The following OLFM2 variants were observed in gnomAD, a reference collection of about 807,000 sequenced individuals.
OLFM2 encodes the protein noelin-2.
OLFM2 carries 20 observed loss-of-function variants against 43.9 expected under a neutral mutation model. That is an observed-to-expected ratio of 0.46 (90% CI 0.32 to 0.66). OLFM2 has a LOEUF of 0.66. Ranked by LOEUF, OLFM2 falls within the 30% of genes least tolerant of loss-of-function variation. The pLI is 0.04. For synonymous variants in OLFM2, 268 were observed against 278.6 expected (o/e 0.96, Z 0.38); for missense variants, 416 against 643.6 (o/e 0.65, Z 3.83).
chr19:9,854,170 G>T lies in OLFM2; in HGVS notation c.*16C>A. 6.2e-7 allele frequency: 1 copy of T among 1,613,622 alleles called. No homozygotes were observed. The highest frequency in any genetic ancestry group is 8.5e-7 in the Non-Finnish European group (1 of 1,179,668). On this transcript the variant is annotated 3_prime_UTR_variant, in exon 6 of 6. Coordinates refer to ENST00000264833, the MANE Select transcript of OLFM2 (RefSeq NM_058164.4). The surrounding 1 kb of genome is among the most constrained non-coding windows in gnomAD (Gnocchi z 9.5). ...CCAGAGGCCCCCCAGGCAGCAGCCC[G>T]AGCCACAGCATTGGCTCAGGGGTCC...
chr19:9,890,476 C>G (rs2046629248), intron 1 of OLFM2, among the ~76,000 whole-genome samples: 1 of 152,202 alleles, frequency 6.6e-6, no homozygotes. Context: ...GTGGACGTGT[C>G]TACAGGAGTG....
At chr19:9,875,657 T>TTTGTTGTTG (rs34652517) in intron 1 of OLFM2, among the ~76,000 whole-genome samples, 3 of 150,490 alleles carry the variant, frequency 2.0e-5, no homozygotes, top group Admixed American at 6.6e-5. Flanking sequence ...CATCTGGTTG[T>TTTGTTGTTG]TTGTTGTTGT....
chr19:9,931,496 T>C (rs1277462404), intron 1 of OLFM2, among the ~76,000 whole-genome samples: 3 of 151,410 alleles, frequency 2.0e-5, no homozygotes, highest in Non-Finnish European at 2.9e-5. Context: ...ATGTCAGGAG[T>C]TCGAGACCAG....
chr19:9,878,276 G>A (rs4804469), intron 1 of OLFM2, among the ~76,000 whole-genome samples: 17,744 of 151,956 alleles, frequency 0.12, 1,099 homozygotes, highest in Middle Eastern at 0.17. Context: ...GCAAATCGGT[G>A]CTGACTGGGA....
At chr19:9,871,854 G>T (rs1282378351) in intron 1 of OLFM2, among the ~76,000 whole-genome samples, 3 of 152,184 alleles carry the variant, frequency 2.0e-5, no homozygotes, top group Admixed American at 2.0e-4. Flanking sequence ...CTGGCACAAG[G>T]TATGTTTGTT....
intron 1 of OLFM2, among the ~76,000 whole-genome samples, chr19:9,924,940 T>G (rs1483220617): frequency 6.6e-6 from 1 of 151,912 alleles, no homozygotes; most frequent in Non-Finnish European, 1.5e-5. Context: ...GATATATATA[T>G]ATGATATTCT....
chr19:9,857,791 C>T lies in OLFM2; in HGVS notation c.284G>A (p.Gly95Asp), dbSNP rs747490195. ...CAGGCTCCGCATGAGGGTCTCCATG[C>T]CGCGTACATACTGGAGGTCGCGATA... ...RTYRDLQYVR[G>D]METLMRSLDA... Residue 95 changes from glycine (G) to aspartate (D), a missense_variant, in exon 3 of 6, where the codon GGC becomes GAC. Transcript: ENST00000264833. The surrounding 1 kb of genome is among the most constrained non-coding windows in gnomAD (Gnocchi z 5.7). 6.2e-7 allele frequency: 1 copy of T among 1,614,140 alleles called. No individual in the cohort carries two copies. Among genetic ancestry groups the T allele is most frequent in the East Asian group, 2.2e-5 (1 of 44,878 alleles).
intron 1 of OLFM2, among the ~76,000 whole-genome samples, chr19:9,884,560 T>C (rs1022067548): frequency 6.6e-6 from 1 of 152,132 alleles, no homozygotes; most frequent in South Asian, 2.1e-4. Flanking sequence ...CCCAGGTCTA[T>C]GGGACTGTAG....
At chr19:9,929,404 A>G (rs976246727) in intron 1 of OLFM2, among the ~76,000 whole-genome samples, 30 of 149,658 alleles carry the variant, frequency 2.0e-4, no homozygotes, top group Non-Finnish European at 7.4e-5. Context: ...ACCAGCCTGA[A>G]CAACAATATA....
chr19:9,884,953 A>G (rs760301867), intron 1 of OLFM2, among the ~76,000 whole-genome samples: 10 of 152,018 alleles, frequency 6.6e-5, no homozygotes, highest in Non-Finnish European at 1.3e-4. Context: ...CGACTCCCCA[A>G]CACCCTCTGT....
intron 1 of OLFM2, among the ~76,000 whole-genome samples, chr19:9,880,724 T>C (rs982423906): frequency 6.6e-6 from 1 of 152,136 alleles, no homozygotes; most frequent in African/African-American, 2.4e-5. Flanking sequence ...CAAAAGAAAC[T>C]AATGCTTTGA....
intron 1 of OLFM2, among the ~76,000 whole-genome samples, chr19:9,875,858 C>T (rs773293037): frequency 3.9e-5 from 6 of 152,046 alleles, no homozygotes; most frequent in Admixed American, 1.3e-4. Flanking sequence ...ATAGCTACCA[C>T]GGGGACCAAA....
chr19:9,901,036 GGGGAGGGAGGGAAGGGA>G lies in OLFM2; in HGVS notation c.63+35251_63+35267del, dbSNP rs1242020805. ...GAAGGAGGAAGGGAGGGAAGGAAGC[GGGGAGGGAGGGAAGGGA>G]GGGAGGGAGGGAAGGGAGGGAAAGA... On this transcript the variant is annotated intron_variant, in intron 1 of 5. Coordinates refer to ENST00000264833, the MANE Select transcript of OLFM2 (RefSeq NM_058164.4). Among the ~76,000 whole-genome samples, 332 of 56,126 alleles carry G rather than the reference GGGGAGGGAGGGAAGGGA, an allele frequency of 5.9e-3. 5 individuals carry two copies. The highest frequency in any genetic ancestry group is 0.01 in the Non-Finnish European group (293 of 28,472). 36.8% of individuals were successfully genotyped at this position (56,126 alleles called of 152,430 possible).
chr19:9,898,071 A>ATTT lies in OLFM2; in HGVS notation c.64-37280_64-37278dup, dbSNP rs35231898. Among the ~76,000 whole-genome samples, 384 of 127,826 alleles carry ATTT rather than the reference A, an allele frequency of 3.0e-3. 3 individuals are homozygous for ATTT. The highest frequency in any genetic ancestry group is 5.1e-3 in the East Asian group (21 of 4,142). The allele number at this position is 127,826 out of a possible 152,430, so 83.9% of individuals were successfully genotyped here. On this transcript the variant is annotated intron_variant, in intron 1 of 5. Coordinates refer to ENST00000264833, the MANE Select transcript of OLFM2 (RefSeq NM_058164.4). ...AGATGCATGCTACTGTGCCCAGCTA[A>ATTT]TTTTTTTTTTTTTTTTTGAGACAGA...
At chr19:9,914,208 G>A (rs949730813) in intron 1 of OLFM2, among the ~76,000 whole-genome samples, 2 of 152,058 alleles carry the variant, frequency 1.3e-5, no homozygotes, top group Non-Finnish European at 2.9e-5. Flanking sequence ...ACCCAAAGAC[G>A]GCAGGGGGCC....
At chr19:9,918,185 GT>G (rs1367832555) in intron 1 of OLFM2, among the ~76,000 whole-genome samples, 1 of 149,878 alleles carries the variant, frequency 6.7e-6, no homozygotes, top group African/African-American at 2.5e-5. Flanking sequence ...GGCCACTTTA[GT>G]TCTTTTATCT....
At chr19:9,881,637 G>A (rs1037156018) in intron 1 of OLFM2, among the ~76,000 whole-genome samples, 12 of 151,372 alleles carry the variant, frequency 7.9e-5, no homozygotes, top group African/African-American at 2.7e-4. Context: ...GACTACATGT[G>A]CATGCCACCA....
intron 1 of OLFM2, among the ~76,000 whole-genome samples, chr19:9,878,351 A>G (rs977800902): frequency 3.6e-5 from 5 of 138,750 alleles, no homozygotes; most frequent in Admixed American, 7.3e-5. Context: ...TGGACAAGTG[A>G]CTCTCTCTGA....
intron 1 of OLFM2, among the ~76,000 whole-genome samples, chr19:9,878,379 CTCTTTTT>C (rs1423826976): frequency 1.2e-5 from 1 of 85,178 alleles, no homozygotes; most frequent in African/African-American, 3.2e-5. Flanking sequence ...TTTCATTTCT[CTCTTTTT>C]TTTTTTTTTT....
Sources: gnomAD v4.1 joint callset for allele counts (sites outside exome capture counted in the v4.1 genomes callset) on GRCh38, gnomAD v4.1.1 for gene constraint, Gnocchi (gnomAD v3.1) non-coding constraint, MANE v1.5 for transcripts, NCBI Gene and HGNC (gene_info 2026-07-23, HGNC 2026-07-21) for gene names.